ARHGEF4: variants seen among roughly 807,000 people sequenced by gnomAD.
ARHGEF4 encodes the protein Rho guanine nucleotide exchange factor 4, also known as APC-stimulated guanine nucleotide exchange factor 1.
ARHGEF4 carries 119 observed loss-of-function variants against 162.0 expected under a neutral mutation model. That is an observed-to-expected ratio of 0.73 (90% CI 0.63 to 0.86). The LOEUF (loss-of-function observed/expected upper bound fraction) is 0.86, where lower values mean the gene tolerates loss of function less well. ARHGEF4 is among the 40% of genes least tolerant of loss of function. ARHGEF4 has a pLI of 0.00. For synonymous variants in ARHGEF4, 1,014 were observed against 979.9 expected (o/e 1.03, Z -0.65); for missense variants, 2,488 against 2,456.0 (o/e 1.01, Z -0.28).
At chr2:130,864,734 C>G (rs1029041718) in intron 1 of ARHGEF4, among the ~76,000 whole-genome samples, 1 of 152,044 alleles carries the variant, frequency 6.6e-6, no homozygotes, top group Admixed American at 6.6e-5. Flanking sequence ...AAAACAAAAA[C>G]AAAAACAAAA....
intron 1 of ARHGEF4, among the ~76,000 whole-genome samples, chr2:130,874,875 G>T (rs1464060378): frequency 6.6e-6 from 1 of 152,108 alleles, no homozygotes; most frequent in Non-Finnish European, 1.5e-5. Flanking sequence ...CATATAGTAT[G>T]TACCATTTTG....
At position 131,040,122 on chromosome 2, in the gene ARHGEF4, G is replaced by A. The variant is rs374920505; in HGVS notation, c.4412G>A (p.Arg1471Gln). ...GCGCAGAGCAGCAAGGACCAGATGC[G>A]GACCAACGTCATCAACGAGATCCTC... ...AEAQSSKDQM[R>Q]TNVINEILST... Residue 1471 changes from arginine to glutamine, a missense_variant, in exon 7 of 14, where the codon CGG becomes CAG. By Grantham distance (43) the Arg-to-Gln change is conservative (BLOSUM62 1). Around this residue, in one of 6 missense-constraint regions of ARHGEF4, gnomAD observed 174 missense variants for 148.3 expected, o/e 1.17. Coordinates refer to ENST00000409359, the MANE Select transcript of ARHGEF4 (RefSeq NM_001367493.1). 1.5e-5 allele frequency: 25 copies of A among 1,613,022 alleles called. No homozygotes were observed. The highest frequency in any genetic ancestry group is 2.2e-5 in the East Asian group (1 of 44,846).
intron 1 of ARHGEF4, among the ~76,000 whole-genome samples, chr2:130,840,572 A>C (rs909007589): frequency 1.3e-5 from 2 of 152,230 alleles, no homozygotes; most frequent in African/African-American, 4.8e-5. Flanking sequence ...ACCATGGCTC[A>C]GGAAGCCAGG....
intron 1 of ARHGEF4, among the ~76,000 whole-genome samples, chr2:130,899,665 G>A (rs925251535): frequency 5.3e-5 from 8 of 152,228 alleles, no homozygotes; most frequent in Non-Finnish European, 7.3e-5. Context: ...TGGGGATGGA[G>A]AGGACTGTGG....
intron 4 of ARHGEF4, chr2:130,963,568 A>G (rs1423808503): frequency 2.4e-5 from 3 of 126,650 alleles, no homozygotes; most frequent in Middle Eastern, 3.9e-3. Flanking sequence ...GCGTGCGGAC[A>G]CAGGTGGCGG....
chr2:130,848,482 A>G (rs1331238844), intron 1 of ARHGEF4, among the ~76,000 whole-genome samples: 1 of 152,190 alleles, frequency 6.6e-6, no homozygotes, highest in Non-Finnish European at 1.5e-5. Flanking sequence ...CCTTGTGAGA[A>G]TTCAACGAAG....
rs1328996780 is a variant in ARHGEF4 at position 130,992,676 on chromosome 2, C to T, written c.3986-35269C>T. ...GCTTCATTCTTAAAGTCAGTGAGAC[C>T]AAGAACCCACCAATTCTGGACACAG... On this transcript the variant is annotated intron_variant, in intron 4 of 13. Coordinates refer to ENST00000409359, the MANE Select transcript of ARHGEF4 (RefSeq NM_001367493.1). 2.0e-5 allele frequency among the ~76,000 whole-genome samples: 3 copies of T among 152,320 alleles called. No homozygotes were observed. In the East Asian group the frequency reaches 5.8e-4, roughly 29 times the overall value.
At chr2:130,907,382 TATTTTTTTG>T (rs1282648089) in intron 1 of ARHGEF4, among the ~76,000 whole-genome samples, 4 of 151,502 alleles carry the variant, frequency 2.6e-5, no homozygotes, top group African/African-American at 9.7e-5. Flanking sequence ...GCTCAACTAA[TATTTTTTTG>T]TATTTTTTAG....
At chr2:131,033,723 G>C (rs1690027583) in intron 5 of ARHGEF4, among the ~76,000 whole-genome samples, 1 of 152,170 alleles carries the variant, frequency 6.6e-6, no homozygotes, top group African/African-American at 2.4e-5. Flanking sequence ...CTGCAGACCA[G>C]CGTTTTCTAA....
chr2:130,918,289 G>A lies in ARHGEF4; in HGVS notation c.3552+791G>A, dbSNP rs530114145. Among the ~76,000 whole-genome samples the A allele has an allele frequency of 2.0e-5, 3 of 152,288 alleles. No homozygotes were observed. The East Asian group carries it at 5.8e-4, about 29-fold the overall frequency. On this transcript the variant is annotated intron_variant, in intron 2 of 13. Transcript: ENST00000409359. The stretch of plus-strand genomic sequence containing the variant: ...CTGAAATGTTTAGTGCAGTAAGATG[G>A]TCTCTCCCACAAAGTGACCGCTTCT...
intron 1 of ARHGEF4, among the ~76,000 whole-genome samples, chr2:130,879,349 T>C (rs1033343433): frequency 6.6e-6 from 1 of 152,226 alleles, no homozygotes; most frequent in African/African-American, 2.4e-5. Flanking sequence ...ATATTTATGG[T>C]GTACAACATG....
chr2:131,032,755 G>A (rs560254433), intron 5 of ARHGEF4, among the ~76,000 whole-genome samples: 1 of 151,740 alleles, frequency 6.6e-6, no homozygotes, highest in East Asian at 1.9e-4. Context: ...AGCCTAGTTG[G>A]GCCACTCCCC....
At chr2:130,960,432 T>A (rs1684562441) in intron 4 of ARHGEF4, among the ~76,000 whole-genome samples, 1 of 152,184 alleles carries the variant, frequency 6.6e-6, no homozygotes, top group Non-Finnish European at 1.5e-5. Flanking sequence ...GTTTGCAGCC[T>A]AGGAGCAGTA....
chr2:130,927,260 TCTC>T (rs1220927230), intron 2 of ARHGEF4, among the ~76,000 whole-genome samples: 5 of 152,104 alleles, frequency 3.3e-5, no homozygotes, highest in African/African-American at 1.2e-4. Context: ...TAGCAGGCCT[TCTC>T]CTGCATTACC....
intron 5 of ARHGEF4, chr2:131,034,959 C>A: frequency 6.1e-6 from 6 of 982,750 alleles, no homozygotes; most frequent in Non-Finnish European, 7.2e-6. Flanking sequence ...GCCGCGCGCA[C>A]GGCGCCGGCT....
intron 1 of ARHGEF4, among the ~76,000 whole-genome samples, chr2:130,855,694 C>A (rs955522006): frequency 6.6e-6 from 1 of 152,170 alleles, no homozygotes; most frequent in African/African-American, 2.4e-5. Flanking sequence ...GCAGGATATC[C>A]TAAGACCTCA....
intron 4 of ARHGEF4, among the ~76,000 whole-genome samples, chr2:131,024,111 A>G (rs542422832): frequency 1.1e-4 from 17 of 152,324 alleles, no homozygotes; most frequent in Admixed American, 2.0e-4. Context: ...ACATTGTACT[A>G]AAGTCAGGTT....
At chr2:131,021,356 C>T (rs1398176453) in intron 4 of ARHGEF4, among the ~76,000 whole-genome samples, 1 of 151,990 alleles carries the variant, frequency 6.6e-6, no homozygotes, top group East Asian at 1.9e-4. Context: ...CTTTGACAAA[C>T]CTGACAAAAA....
rs1688096799 is a variant in ARHGEF4, at chr2:131,006,076, G to T, written c.3986-21869G>T. Among the ~76,000 whole-genome samples, 4 of 152,144 alleles carry T rather than the reference G, an allele frequency of 2.6e-5. 1 individual carries two copies. In the South Asian group the frequency reaches 8.3e-4, roughly 32 times the overall value. ...ACTCAACCCACCATTGTGGGGAGGA[G>T]ACCTGTTCCCCGCCATTGGTCATCC... On this transcript the variant is annotated intron_variant, in intron 4 of 13. Coordinates refer to ENST00000409359, the MANE Select transcript of ARHGEF4 (RefSeq NM_001367493.1).
Sources: allele counts gnomAD v4.1 joint callset (sites outside exome capture counted in the v4.1 genomes callset), GRCh38; gene constraint gnomAD v4.1.1; regional missense constraint gnomAD v4.1.1; transcripts MANE v1.5; gene names NCBI Gene and HGNC (gene_info 2026-07-23, HGNC 2026-07-21).